The following TBC1D17 variants were observed in gnomAD, a reference collection of about 807,000 sequenced individuals.
TBC1D17 encodes TBC1 domain family, member 17.
A neutral mutation model predicts 78.8 loss-of-function variants in TBC1D17; 69 were observed. The ratio of observed to expected loss-of-function variants is 0.88; its 90% CI spans 0.72 to 1.07. TBC1D17 has a LOEUF of 1.07. Ranked by LOEUF, TBC1D17 falls within the 50% of genes least tolerant of loss-of-function variation. The probability of loss-of-function intolerance (pLI) is 0.00; values close to 1 mark genes in which losing one functional copy is unlikely to be tolerated. For missense variants in TBC1D17, 957 were observed against 861.0 expected, an observed-to-expected ratio of 1.11 and a Z score of -1.39; for synonymous variants, 456 against 358.3, an observed-to-expected ratio of 1.27 and a Z score of -3.08.
rs766378620 is a variant in TBC1D17 at position 49,880,418 on chromosome 19, G to A, written c.319+16G>A. The A allele has an allele frequency of 9.9e-6, 16 of 1,612,050 alleles. No individual in the cohort carries two copies. Among genetic ancestry groups the A allele is most frequent in the Middle Eastern group, 1.6e-4 (1 of 6,078 alleles). ...CCCACGAGAGGTAGGCTGAGGTGGC[G>A]GCCCTTGAGAAGCACGTGTGGGCCA... On this transcript the variant is annotated intron_variant, in intron 4 of 16. Coordinates refer to ENST00000221543, the MANE Select transcript of TBC1D17 (RefSeq NM_024682.3).
chr19:49,884,112 A>T (rs2075038548), intron 10 of TBC1D17, 141 bp from the exon 11 acceptor site: 2 of 755,336 alleles, frequency 2.6e-6, no homozygotes, highest in East Asian at 5.0e-5. Flanking sequence ...AGTTTCTAGA[A>T]CCAGCTCTGC....
rs2075068835 is a variant in TBC1D17, at chr19:49,887,592, G to A, written c.1542+19G>A. 6.2e-7 allele frequency: 1 copy of A among 1,613,830 alleles called. No individual in the cohort carries two copies. Among genetic ancestry groups the A allele is most frequent in the African/African-American group, 1.3e-5 (1 of 75,064 alleles). On this transcript the variant is annotated intron_variant, in intron 14 of 16. Transcript: ENST00000221543. ...GTGGGAGGTGGGCCAGCCAGTTTGG[G>A]CGAGAGGCCTGAAGGGGTGGGCTCA...
chr19:49,888,138 TGTC>T (rs2075077925), intron 15 of TBC1D17, 90 bp from the exon 16 acceptor site: 1 of 1,539,108 alleles, frequency 6.5e-7, no homozygotes, highest in African/African-American at 1.4e-5. Flanking sequence ...CAGCCCGGTG[TGTC>T]TTCATTGTTT....
Position 49,881,410 on chromosome 19 carries a change from G to C in TBC1D17, c.462G>C (p.Leu154=), listed in dbSNP as rs746410145. The change falls in exon 5 of 17, where the codon CTG becomes CTC. Residue 154 remains leucine (L), a synonymous_variant. Transcript: ENST00000221543. ...VTQAGGSLPA[L]HFHRGGTRAL... Reference sequence around the variant, plus strand: ...AGGCTGGAGGTTCCCTGCCCGCACTGCACTTCCACCGCGGGGGCACCCGCG... The same window carrying C: ...AGGCTGGAGGTTCCCTGCCCGCACTCCACTTCCACCGCGGGGGCACCCGCG... 1 of 1,612,876 alleles carries C rather than the reference G, an allele frequency of 6.2e-7. No individual in the cohort carries two copies. The highest frequency in any genetic ancestry group is 8.5e-7 in the Non-Finnish European group (1 of 1,179,988).
chr19:49,882,312 C>G lies in TBC1D17; in HGVS notation c.710C>G (p.Ala237Gly). The G allele has an allele frequency of 6.2e-7, 1 of 1,611,880 alleles. No homozygotes were observed. The highest frequency in any genetic ancestry group is 1.1e-5 in the South Asian group (1 of 91,090). ...CGAGTGACCAACTTCTTCCGGGGTGCCCTGCAGCCACAGCCTGAGGGAGCC... is the reference window on the plus strand; with the variant it reads ...CGAGTGACCAACTTCTTCCGGGGTGGCCTGCAGCCACAGCCTGAGGGAGCC... ...FSRVTNFFRGALQPQPEGAAS... is the reference protein window; with the variant it reads ...FSRVTNFFRGGLQPQPEGAAS... The change falls in exon 7 of 17, where the codon GCC becomes GGC. Residue 237 changes from alanine to glycine, a missense_variant. Coordinates refer to ENST00000221543, the MANE Select transcript of TBC1D17 (RefSeq NM_024682.3).
chr19:49,887,462 A>G lies in TBC1D17; in HGVS notation c.1445-14A>G. The G allele has an allele frequency of 6.2e-7, 1 of 1,612,986 alleles. No individual in the cohort carries two copies. The highest frequency in any genetic ancestry group is 1.3e-5 in the African/African-American group (1 of 75,046). ...CGCTGGGCAAGGCTGAGTGGGCTCC[A>G]TGTCATCCCCCAGATTCCCAGGACT... On this transcript the variant is annotated splice_polypyrimidine_tract_variant and intron_variant, in intron 13 of 16. Coordinates refer to ENST00000221543, the MANE Select transcript of TBC1D17 (RefSeq NM_024682.3).
At chr19:49,884,407 G>T (rs772232387) in intron 11 of TBC1D17, 38 bp downstream of exon 11, 14 of 1,613,842 alleles carry the variant, frequency 8.7e-6, no homozygotes, top group Non-Finnish European at 1.2e-5. Flanking sequence ...GGCCGGGGCT[G>T]TCCAGGGGAG....
intron 3 of TBC1D17, 63 bp downstream of exon 3, chr19:49,878,635 T>A (rs1204032393): frequency 1.3e-6 from 2 of 1,506,822 alleles, no homozygotes; most frequent in Non-Finnish European, 1.8e-6. Flanking sequence ...CTGTTGTAAG[T>A]CATTTGAGGG....
At chr19:49,883,314 T>A (rs1271664859) in intron 9 of TBC1D17, among the ~76,000 whole-genome samples, 1 of 152,158 alleles carries the variant, frequency 6.6e-6, no homozygotes, top group Non-Finnish European at 1.5e-5. Flanking sequence ...CAGCATGTTT[T>A]ATAACCTAGG....
In TBC1D17 at chr19:49,883,564, C is replaced by G. The variant is rs1600449732; in HGVS notation, c.1032-87C>G. 3 of 1,192,444 alleles carry G rather than the reference C, an allele frequency of 2.5e-6. No homozygotes were observed. The East Asian group carries it at 7.1e-5, about 28-fold the overall frequency. The allele number at this position is 1,192,444 out of a possible 1,614,324, so 73.9% of individuals were successfully genotyped here. On this transcript the variant is annotated intron_variant, in intron 9 of 16. Coordinates refer to ENST00000221543, the MANE Select transcript of TBC1D17 (RefSeq NM_024682.3). The stretch of plus-strand genomic sequence containing the variant: ...GTGGTCAGGGAGGGGCTCTGCAGGG[C>G]TGACCTGGGAGGTGGCGCCAGGCTT...
chr19:49,888,539 C>T lies in TBC1D17; in HGVS notation c.1862C>T (p.Pro621Leu). 1.3e-6 allele frequency: 2 copies of T among 1,536,756 alleles called. No individual in the cohort carries two copies. Among genetic ancestry groups the T allele is most frequent in the Non-Finnish European group, 1.7e-6 (2 of 1,146,046 alleles). The change falls in exon 17 of 17, where the codon CCG (proline) becomes CTG (leucine). Residue 621 changes from proline to leucine, a missense_variant. Pro to Leu is a moderately conservative substitution (Grantham distance 98). Transcript: ENST00000221543. ...PLSPTRAPPT[P>L]PPSTDTAPQP... ...TCGCCCACCCGGGCCCCGCCCACCC[C>T]GCCGCCCTCCACGGACACAGCCCCG...
At chr19:49,877,766 C>T (rs1285578916) in intron 1 of TBC1D17, 22 bp downstream of exon 1, 2 of 1,584,516 alleles carry the variant, frequency 1.3e-6, no homozygotes, top group South Asian at 1.2e-5. Flanking sequence ...GGACGCATTC[C>T]CTCGCTTCAG....
At position 49,880,325 on chromosome 19, in the gene TBC1D17, T is replaced by C; in HGVS notation, c.242T>C (p.Phe81Ser). 6.2e-7 allele frequency: 1 copy of C among 1,614,086 alleles called. No homozygotes were observed. The highest frequency in any genetic ancestry group is 8.5e-7 in the Non-Finnish European group (1 of 1,180,002). ...TGTGCTTCTGAGGAGGAACCAACCT[T>C]TGACCCCGGCTATGAACCTGACTGG... ...DSCASEEEPT[F>S]DPGYEPDWAV... The change falls in exon 4 of 17, where the codon TTT becomes TCT. Residue 81 changes from phenylalanine (F) to serine (S), a missense_variant. Physicochemically the swap from Phe to Ser is radical, Grantham distance 155. Transcript: ENST00000221543.
Position 49,878,557 on chromosome 19 carries a change from C to T in TBC1D17, c.180C>T (p.Ile60=), listed in dbSNP as rs1483395443. 3.1e-6 allele frequency: 5 copies of T among 1,614,006 alleles called. No individual in the cohort carries two copies. Among genetic ancestry groups the T allele is most frequent in the African/African-American group, 1.3e-5 (1 of 74,926 alleles). The change falls in exon 3 of 17, where the codon ATC becomes ATT. Residue 60 remains isoleucine, a synonymous_variant. Coordinates refer to ENST00000221543, the MANE Select transcript of TBC1D17 (RefSeq NM_024682.3). ...AGGAGGCTGGAGATTCCACCCAAAT[C>T]CTCTTCTCCAAGAAGGTAGGCTCCA... ...PVEEAGDSTQ[I]LFSKKDSSGG...
At chr19:49,878,605 G>T in intron 3 of TBC1D17, 33 bp downstream of exon 3, 1 of 1,604,674 alleles carries the variant, frequency 6.2e-7, no homozygotes, top group Admixed American at 1.7e-5. Flanking sequence ...TTCTCCACTC[G>T]CTTTTTTTCT....
rs753716316 is a variant in TBC1D17 at position 49,884,685 on chromosome 19, G to C, written c.1371G>C (p.Glu457Asp). The change falls in exon 13 of 17, where the codon GAG becomes GAC. Residue 457 changes from glutamate (E) to aspartate (D), a missense_variant. Coordinates refer to ENST00000221543, the MANE Select transcript of TBC1D17 (RefSeq NM_024682.3). ...LVQGNFEESQ[E>D]TMKRQLGRLL... The stretch of plus-strand genomic sequence containing the variant: ...AAGGGAACTTTGAAGAGAGCCAGGA[G>C]ACCATGAAGCGGCAACTCGGGCGAC... 1 of 1,614,168 alleles carries C rather than the reference G, an allele frequency of 6.2e-7. No homozygotes were observed. The highest frequency in any genetic ancestry group is 8.5e-7 in the Non-Finnish European group (1 of 1,180,036).
In TBC1D17 at chr19:49,888,564, G is replaced by A. The variant is rs779411263; in HGVS notation, c.1887G>A (p.Pro629=). 25 of 1,037,290 alleles carry A rather than the reference G, an allele frequency of 2.4e-5. No homozygotes were observed. Among genetic ancestry groups the A allele is most frequent in the South Asian group, 2.4e-4 (18 of 75,006 alleles). 64.3% of individuals were successfully genotyped at this position (1,037,290 alleles called of 1,614,324 possible). Residue 629 remains proline (P), a synonymous_variant, in exon 17 of 17, where the codon CCG becomes CCA. Transcript: ENST00000221543. The part of the protein sequence containing the change: ...PTPPPSTDTA[P]QPDSSLEILP... ...CGCCGCCCTCCACGGACACAGCCCC[G>A]CAGCCCGACAGCAGCCTGGAGATCC...
rs2075085188 is a variant in TBC1D17 at position 49,888,460 on chromosome 19, G to A, written c.1783G>A (p.Ala595Thr). ...CAACGTGCAGGAGATCCTGGGGCTG[G>A]CCCCGCCCGCAGAGCCCCACAGCCC... ...PHNVQEILGL[A>T]PPAEPHSPSP... is the part of the protein sequence containing the mutation. The change falls in exon 17 of 17, where the codon GCC (alanine) becomes ACC (threonine). Residue 595 changes from alanine to threonine, a missense_variant. By Grantham distance (58) the Ala-to-Thr change is moderately conservative. Transcript: ENST00000221543. The A allele has an allele frequency of 6.3e-7, 1 of 1,598,300 alleles. No individual in the cohort carries two copies.
intron 3 of TBC1D17, among the ~76,000 whole-genome samples, chr19:49,879,860 T>C (rs1333640582): frequency 1.3e-5 from 2 of 149,666 alleles, no homozygotes; most frequent in African/African-American, 2.5e-5. Flanking sequence ...TTTTTTTTTT[T>C]TTTTTTTTAA....
Sources: allele counts gnomAD v4.1 joint callset (sites outside exome capture counted in the v4.1 genomes callset), GRCh38; gene constraint gnomAD v4.1.1; transcripts MANE v1.5; gene names NCBI Gene and HGNC (gene_info 2026-07-23, HGNC 2026-07-21).